Variants in RPH3A observed in about 807,000 individuals in gnomAD.
The protein encoded by RPH3A is rabphilin 3A.
Under a neutral mutation model 102.2 loss-of-function variants are expected in RPH3A, and 48 were observed. That is an observed-to-expected ratio of 0.47 (90% CI 0.37 to 0.60). The LOEUF (loss-of-function observed/expected upper bound fraction) is 0.60, where lower values mean the gene tolerates loss of function less well. Ranked by LOEUF, RPH3A falls within the 20% of genes least tolerant of loss-of-function variation. The pLI is 0.00. For synonymous variants in RPH3A, 310 were observed against 324.3 expected (o/e 0.96, Z 0.47); for missense variants, 781 against 910.1 (o/e 0.86, Z 1.83).
At chr12:112,747,776 C>A (rs1269507380) in intron 1 of RPH3A, among the ~76,000 whole-genome samples, 2 of 152,184 alleles carry the variant, frequency 1.3e-5, no homozygotes, top group Non-Finnish European at 2.9e-5. Flanking sequence ...CCGAAGGCAT[C>A]AGGAATATAG....
chr12:112,717,406 T>C (rs2040520893), intron 1 of RPH3A, among the ~76,000 whole-genome samples: 1 of 152,174 alleles, frequency 6.6e-6, no homozygotes, highest in South Asian at 2.1e-4. Flanking sequence ...AATATTGTAA[T>C]ATACATTAGG....
intron 1 of RPH3A, among the ~76,000 whole-genome samples, chr12:112,600,836 G>A (rs1046765056): frequency 9.2e-5 from 14 of 152,118 alleles, no homozygotes; most frequent in Admixed American, 3.9e-4. Flanking sequence ...ACATACCCAA[G>A]ACTTGATAAT....
At chr12:112,751,820 G>A (rs1346090071) in intron 1 of RPH3A, among the ~76,000 whole-genome samples, 3 of 152,008 alleles carry the variant, frequency 2.0e-5, no homozygotes, top group African/African-American at 7.3e-5. Flanking sequence ...CTTTAAATTG[G>A]CAAAAAATTG....
chr12:112,813,054 A>G (rs2041607711), intron 2 of RPH3A, among the ~76,000 whole-genome samples: 1 of 152,236 alleles, frequency 6.6e-6, no homozygotes, highest in Non-Finnish European at 1.5e-5. Context: ...TCCCTGTAAG[A>G]TAGGTGCTGT....
intron 1 of RPH3A, among the ~76,000 whole-genome samples, chr12:112,710,959 T>G (rs566252971): frequency 1.3e-3 from 192 of 152,330 alleles, no homozygotes; most frequent in African/African-American, 4.5e-3. Context: ...AACAATTCAG[T>G]AGGCACTTCA....
Position 112,868,544 on chromosome 12 carries a change from C to A in RPH3A, c.559C>A (p.Pro187Thr), listed in dbSNP as rs1349036815. ...GCAGCCTGTCAGTGAGCCTGCTGCC[C>A]CTGAACAGCCTGCTCCTGAGCCCAA... The part of the protein sequence containing the change: ...PQQPVSEPAA[P>T]EQPAPEPKHP... Residue 187 changes from proline (P) to threonine (T), a missense_variant, in exon 8 of 22, where the codon CCT becomes ACT. By Grantham distance (38) the Pro-to-Thr change is conservative. Around this residue, in one of 2 missense-constraint regions of RPH3A, gnomAD observed 730 missense variants for 810.0 expected, o/e 0.90. Coordinates refer to ENST00000389385, the MANE Select transcript of RPH3A (RefSeq NM_001143854.2). 6 of 1,614,008 alleles carry A rather than the reference C, an allele frequency of 3.7e-6. No homozygotes were observed. The Admixed American group carries it at 1.0e-4, about 27-fold the overall frequency.
rs1369700363 is a variant in RPH3A, at chr12:112,672,115, G to A, written c.-140+96796G>A. On this transcript the variant is annotated intron_variant, in intron 1 of 21. Coordinates refer to the RPH3A transcript ENST00000543106. ...CATACAACTGTAGGGGTTGGCAAGTGTCAAATCTGCAGGGCAGGCAGACAG... is the reference window on the plus strand; with the variant it reads ...CATACAACTGTAGGGGTTGGCAAGTATCAAATCTGCAGGGCAGGCAGACAG... 2.0e-5 allele frequency among the ~76,000 whole-genome samples: 3 copies of A among 151,882 alleles called. No homozygotes were observed. The East Asian group carries it at 5.8e-4, about 29-fold the overall frequency.
intron 1 of RPH3A, among the ~76,000 whole-genome samples, chr12:112,777,485 G>T (rs2040976001): frequency 6.6e-6 from 1 of 152,192 alleles, no homozygotes; most frequent in African/African-American, 2.4e-5. Context: ...GCCATTAGCT[G>T]TCAAGGCAGC....
chr12:112,727,769 GC>G (rs1382039864), intron 1 of RPH3A, among the ~76,000 whole-genome samples: 2 of 152,088 alleles, frequency 1.3e-5, no homozygotes, highest in African/African-American at 4.8e-5. Flanking sequence ...GTTAAACCTT[GC>G]CTGAAGACCA....
At chr12:112,750,040 C>G (rs1463524320) in intron 1 of RPH3A, among the ~76,000 whole-genome samples, 1 of 152,108 alleles carries the variant, frequency 6.6e-6, no homozygotes, top group African/African-American at 2.4e-5. Flanking sequence ...CGAAGGGGGC[C>G]TCCTTTCTCC....
At chr12:112,790,157 T>C (rs750911714), upstream of RPH3A, among the ~76,000 whole-genome samples, 1 of 151,934 alleles carries the variant, frequency 6.6e-6, no homozygotes, top group African/African-American at 2.4e-5. Context: ...TCCAGGTTCA[T>C]GTGATTCTCC....
At chr12:112,753,429 T>C (rs1341821223) in intron 1 of RPH3A, among the ~76,000 whole-genome samples, 1 of 152,164 alleles carries the variant, frequency 6.6e-6, no homozygotes, top group Non-Finnish European at 1.5e-5. Context: ...AAACAAGTAA[T>C]GCAGAAAACT....
chr12:112,888,375 T>C (rs1051436142), intron 17 of RPH3A, among the ~76,000 whole-genome samples: 16 of 152,256 alleles, frequency 1.1e-4, no homozygotes, highest in African/African-American at 3.9e-4. Context: ...TAAGCACTCA[T>C]AAATTAACAG....
intron 1 of RPH3A, among the ~76,000 whole-genome samples, chr12:112,643,435 G>A (rs972538348): frequency 3.3e-5 from 5 of 152,216 alleles, no homozygotes; most frequent in African/African-American, 9.6e-5. Flanking sequence ...GTGTGTGTTC[G>A]TGTTGCATTT....
chr12:112,743,921 C>T (rs559301436), intron 1 of RPH3A, among the ~76,000 whole-genome samples: 51 of 152,302 alleles, frequency 3.3e-4, no homozygotes, highest in Middle Eastern at 3.4e-3. Flanking sequence ...TGTACACACA[C>T]GCTTTCACCC....
At position 112,754,832 on chromosome 12, in the gene RPH3A, T is replaced by C. The variant is rs891012666; in HGVS notation, c.-139-37311T>C. ...TAAACTAATTATTCTCAACCTTGGC[T>C]TCACACTAAAACCACCCAGGACCTT... On this transcript the variant is annotated intron_variant, in intron 1 of 21. Transcript: ENST00000543106. Among the ~76,000 whole-genome samples the C allele has an allele frequency of 2.6e-5, 4 of 152,244 alleles. No individual in the cohort carries two copies. In the South Asian group the frequency reaches 8.3e-4, roughly 31 times the overall value.
intron 1 of RPH3A, among the ~76,000 whole-genome samples, chr12:112,771,125 C>T (rs2136072422): frequency 6.6e-6 from 1 of 152,318 alleles, no homozygotes; most frequent in South Asian, 2.1e-4. Flanking sequence ...ACACTGTCTA[C>T]TTCCAGTCTC....
At chr12:112,637,422 C>T (rs1435457228) in intron 1 of RPH3A, among the ~76,000 whole-genome samples, 1 of 152,084 alleles carries the variant, frequency 6.6e-6, no homozygotes, top group African/African-American at 2.4e-5. Context: ...TCCTCCCAGA[C>T]ATGAATAGGT....
intron 2 of RPH3A, among the ~76,000 whole-genome samples, chr12:112,822,668 T>TC (rs1407115378): frequency 6.6e-6 from 1 of 152,180 alleles, no homozygotes; most frequent in Non-Finnish European, 1.5e-5. Context: ...CATCCAGCTA[T>TC]CCAGTGCTTA....
Sources: allele counts gnomAD v4.1 joint callset (sites outside exome capture counted in the v4.1 genomes callset), GRCh38; gene constraint gnomAD v4.1.1; regional missense constraint gnomAD v4.1.1; transcripts MANE v1.5; gene names NCBI Gene and HGNC (gene_info 2026-07-23, HGNC 2026-07-21).